The following OSBPL3 variants were observed in gnomAD, a reference collection of about 807,000 sequenced individuals.
OSBPL3 encodes oxysterol binding protein like 3, also known as oxysterol-binding protein-related protein 3.
OSBPL3 carries 65 observed loss-of-function variants against 120.1 expected under a neutral mutation model. That is an observed-to-expected ratio of 0.54 (90% confidence interval 0.44 to 0.67). The LOEUF is 0.67. OSBPL3 is among the 30% of genes least tolerant of loss of function. The pLI, the probability that OSBPL3 is intolerant of heterozygous loss-of-function variation, is 0.00. For missense variants in OSBPL3, 1,004 were observed against 1,082.1 expected, an observed-to-expected ratio of 0.93 and a Z score of 1.01; for synonymous variants, 416 against 402.6, an observed-to-expected ratio of 1.03 and a Z score of -0.40.
chr7:24,842,446 T>C (rs2128205836), intron 12 of OSBPL3, 33 bp from the exon 13 acceptor site: 1 of 1,489,364 alleles, frequency 6.7e-7, no homozygotes, highest in African/African-American at 1.4e-5. Context: ...AATGTATACA[T>C]TTAAAAACAT....
At chr7:24,870,389 G>A (rs184357298) in intron 5 of OSBPL3, among the ~76,000 whole-genome samples, 16 of 152,310 alleles carry the variant, frequency 1.1e-4, no homozygotes, top group Admixed American at 3.3e-4. Context: ...TATATTTCAG[G>A]AACACGTTTT....
In OSBPL3 at chr7:24,863,287, T is replaced by C. The variant is rs752429889; in HGVS notation, c.783A>G (p.Gly261=). The change falls in exon 9 of 23, where the codon GGA becomes GGG. Residue 261 remains glycine (G), a synonymous_variant. Coordinates refer to ENST00000313367, the MANE Select transcript of OSBPL3 (RefSeq NM_015550.4). This position sits in a 1 kb window ranked among gnomAD's most constrained non-coding sequence, Gnocchi z 5.8. ...SAPAINAIQG[G]SFESPKKEKR... ...TTTCCTTTTTGGGACTTTCAAAAGA[T>C]CCACCCTTTGTTTCAAAACAGGAAA... The C allele has an allele frequency of 6.2e-7, 1 of 1,613,510 alleles. No individual in the cohort carries two copies. The highest frequency in any genetic ancestry group is 8.5e-7 in the Non-Finnish European group (1 of 1,179,460).
At chr7:24,809,722 A>C in intron 20 of OSBPL3, 85 bp downstream of exon 20, 1 of 1,292,658 alleles carries the variant, frequency 7.7e-7, no homozygotes, top group Non-Finnish European at 1.1e-6. Context: ...CTGAACAGAC[A>C]CTACTCCTGT....
chr7:24,812,947 T>C (rs1794021740), intron 19 of OSBPL3, among the ~76,000 whole-genome samples: 1 of 152,254 alleles, frequency 6.6e-6, no homozygotes, highest in Non-Finnish European at 1.5e-5. Flanking sequence ...GGTGCAATCA[T>C]AGCTCACTGC....
At chr7:24,908,768 T>A (rs1808332640) in intron 1 of OSBPL3, among the ~76,000 whole-genome samples, 1 of 152,216 alleles carries the variant, frequency 6.6e-6, no homozygotes, top group Non-Finnish European at 1.5e-5. Context: ...TCCTCCTCTG[T>A]TATTGGTCTT....
rs2128236213 is a variant in OSBPL3 at position 24,855,667 on chromosome 7, TGA to T, written c.1028-3035_1028-3034del. 6.6e-6 allele frequency among the ~76,000 whole-genome samples: 1 copy of T among 152,336 alleles called. No homozygotes were observed. The highest frequency in any genetic ancestry group is 2.4e-5 in the African/African-American group (1 of 41,578). ...CAGGGCAATGATCAGAGGTTGCTCA[TGA>T]GAGACCACATTTATATTAATTGTTT... On this transcript the variant is annotated intron_variant, in intron 10 of 22. Transcript: ENST00000313367. This position sits in a 1 kb window ranked among gnomAD's most constrained non-coding sequence, Gnocchi z 4.3.
rs754840792 is a variant in OSBPL3 at position 24,892,495 on chromosome 7, G to A, written c.-23C>T. On this transcript the variant is annotated 5_prime_UTR_variant, in exon 2 of 23. Transcript: ENST00000313367. The stretch of plus-strand genomic sequence containing the variant: ...CATGGACAGCAAGTCACTTGGCCTC[G>A]AGACAATCAAAATGCCATCAGATGA... The A allele has an allele frequency of 2.0e-5, 32 of 1,606,920 alleles. No individual in the cohort carries two copies. Among genetic ancestry groups the A allele is most frequent in the African/African-American group, 4.0e-5 (3 of 74,940 alleles).
At position 24,863,373 on chromosome 7, in the gene OSBPL3, C is replaced by A; in HGVS notation, c.778-81G>T. 2 of 1,382,522 alleles carry A rather than the reference C, an allele frequency of 1.4e-6. No homozygotes were observed. Among genetic ancestry groups the A allele is most frequent in the Admixed American group, 1.7e-5 (1 of 59,662 alleles). The allele number at this position is 1,382,522 out of a possible 1,614,324, so 85.6% of individuals were successfully genotyped here. ...GGATAAATGCATAGCAAAGTGACCA[C>A]CTCCATCCCCTTGACTTTGGCTGAA... is the stretch of plus-strand genomic sequence containing the variant. On this transcript the variant is annotated intron_variant, in intron 8 of 22. Transcript: ENST00000313367. The surrounding 1 kb of genome is among the most constrained non-coding windows in gnomAD (Gnocchi z 5.8).
Position 24,879,074 on chromosome 7 carries a change from A to C in OSBPL3, c.97-7005T>G, listed in dbSNP as rs897054831. Among the ~76,000 whole-genome samples, 1 of 152,234 alleles carries C rather than the reference A, an allele frequency of 6.6e-6. No homozygotes were observed. Among genetic ancestry groups the C allele is most frequent in the Admixed American group, 6.5e-5 (1 of 15,284 alleles). On this transcript the variant is annotated intron_variant, in intron 2 of 22. Coordinates refer to ENST00000313367, the MANE Select transcript of OSBPL3 (RefSeq NM_015550.4). The surrounding 1 kb of genome is among the most constrained non-coding windows in gnomAD (Gnocchi z 5.6). ...GTTGTCTTACTATCTAATGAGTGCT[A>C]TGAAAAATGGCAAAAACATGGCTGA...
intron 12 of OSBPL3, among the ~76,000 whole-genome samples, chr7:24,845,514 G>C (rs938942069): frequency 2.8e-5 from 4 of 144,242 alleles, no homozygotes; most frequent in African/African-American, 7.7e-5. Flanking sequence ...AAAGTTTTAA[G>C]TTACTTGATA....
intron 1 of OSBPL3, among the ~76,000 whole-genome samples, chr7:24,903,844 G>A (rs1807431603): frequency 6.6e-6 from 1 of 150,906 alleles, no homozygotes; most frequent in South Asian, 2.1e-4. Context: ...ACTTCATCAG[G>A]CTGTGTCCTC....
chr7:24,908,859 T>C (rs1808347839), intron 1 of OSBPL3, among the ~76,000 whole-genome samples: 1 of 152,218 alleles, frequency 6.6e-6, no homozygotes, highest in African/African-American at 2.4e-5. Context: ...AGTTCAACTC[T>C]CTTAAACAAG....
Position 24,815,043 on chromosome 7 carries a change from G to A in OSBPL3, c.2172+16C>T. The A allele has an allele frequency of 3.7e-6, 6 of 1,613,468 alleles. No individual in the cohort carries two copies. The highest frequency in any genetic ancestry group is 5.1e-6 in the Non-Finnish European group (6 of 1,179,438). On this transcript the variant is annotated intron_variant, in intron 19 of 22. Coordinates refer to ENST00000313367, the MANE Select transcript of OSBPL3 (RefSeq NM_015550.4). This position sits in a 1 kb window ranked among gnomAD's most constrained non-coding sequence, Gnocchi z 5.1. ...AGCCCTTCCAGGGTCAGAGCTCAGA[G>A]AGTCACTGGAGTTACCTTTATAAAA... is the stretch of plus-strand genomic sequence containing the variant.
chr7:24,958,421 T>C (rs368782855), intron 1 of OSBPL3, among the ~76,000 whole-genome samples: 1 of 152,306 alleles, frequency 6.6e-6, no homozygotes, highest in East Asian at 1.9e-4. Flanking sequence ...GCACATTCTA[T>C]GATCCAACTA....
At chr7:24,828,159 G>C (rs1419501585) in intron 16 of OSBPL3, among the ~76,000 whole-genome samples, 2 of 151,870 alleles carry the variant, frequency 1.3e-5, no homozygotes, top group Admixed American at 6.6e-5. Flanking sequence ...TGAGTAACTG[G>C]GATTATAGGC....
chr7:24,934,605 G>A (rs1562986371), intron 1 of OSBPL3, among the ~76,000 whole-genome samples: 1 of 152,122 alleles, frequency 6.6e-6, no homozygotes, highest in Non-Finnish European at 1.5e-5. Context: ...AAATCAGGAT[G>A]AACCATATCA....
rs993791604 is a variant in OSBPL3 at position 24,891,525 on chromosome 7, C to T, written c.96+852G>A. On this transcript the variant is annotated intron_variant, in intron 2 of 22. Coordinates refer to ENST00000313367, the MANE Select transcript of OSBPL3 (RefSeq NM_015550.4). The surrounding 1 kb of genome is among the most constrained non-coding windows in gnomAD (Gnocchi z 4.1). ...CACTTCCCATGAGGAAAAGGAAATG[C>T]CAACAGAAGCAGCAGGTGCTGAAAA... Among the ~76,000 whole-genome samples, 11 of 152,188 alleles carry T rather than the reference C, an allele frequency of 7.2e-5. No individual in the cohort carries two copies. The highest frequency in any genetic ancestry group is 1.5e-4 in the Non-Finnish European group (10 of 68,020).
At position 24,918,187 on chromosome 7, in the gene OSBPL3, G is replaced by C; in HGVS notation, c.-149-25566C>G. ...TTCATGTACAGACCTGAGAGGTCAA[G>C]AGAGTCATGAGAAACTGACCATCAC... On this transcript the variant is annotated intron_variant, in intron 1 of 22. Transcript: ENST00000313367. This position sits in a 1 kb window ranked among gnomAD's most constrained non-coding sequence, Gnocchi z 4.3. 2.7e-6 allele frequency: 1 copy of C among 367,000 alleles called. No individual in the cohort carries two copies. Among genetic ancestry groups the C allele is most frequent in the Non-Finnish European group, 3.8e-6 (1 of 264,670 alleles). The allele number at this position is 367,000 out of a possible 1,614,324, so 22.7% of individuals were successfully genotyped here.
chr7:24,812,360 T>C (rs935337257), intron 19 of OSBPL3, among the ~76,000 whole-genome samples: 1 of 151,058 alleles, frequency 6.6e-6, no homozygotes, highest in African/African-American at 2.4e-5. Flanking sequence ...TCAGTTTCTA[T>C]ATATCAAGCG....
Sources: gnomAD v4.1 joint callset for allele counts (sites outside exome capture counted in the v4.1 genomes callset) on GRCh38, gnomAD v4.1.1 for gene constraint, Gnocchi (gnomAD v3.1) non-coding constraint, MANE v1.5 for transcripts, NCBI Gene and HGNC (gene_info 2026-07-23, HGNC 2026-07-21) for gene names.